MYL5: variants seen among roughly 807,000 people sequenced by gnomAD.
MYL5 encodes the protein myosin light chain 5, also known as myosin regulatory light chain 5.
Under a neutral mutation model 20.8 loss-of-function variants are expected in MYL5, and 28 were observed. The ratio of observed to expected loss-of-function variants is 1.35; its 90% CI spans 1.00 to 1.84. The LOEUF (loss-of-function observed/expected upper bound fraction) is 1.84. MYL5 is among the 40% of genes most tolerant of loss of function. The pLI, the probability that MYL5 is intolerant of heterozygous loss-of-function variation, is 0.00. For missense variants in MYL5, 274 were observed against 227.3 expected, an observed-to-expected ratio of 1.21 and a Z score of -1.32; for synonymous variants, 118 against 87.4, an observed-to-expected ratio of 1.35 and a Z score of -1.95.
chr4:677,285 T>C (rs1738939360), upstream of MYL5, among the ~76,000 whole-genome samples: 1 of 152,154 alleles, frequency 6.6e-6, no homozygotes, highest in African/African-American at 2.4e-5. Flanking sequence ...TGTGGTGGCC[T>C]CTGATGTCTG....
Position 680,497 on chromosome 4 carries a change from C to G in MYL5, c.293-12C>G, listed in dbSNP as rs201508988. On this transcript the variant is annotated splice_polypyrimidine_tract_variant and intron_variant, in intron 4 of 6. Transcript: ENST00000400159. ...CCCTGACGGCCCTGGGCTGAAGGTG[C>G]CTTTGTGGCAGGTACCGACGCCGAG... The G allele has an allele frequency of 4.3e-6, 7 of 1,613,342 alleles. No individual in the cohort carries two copies. Among genetic ancestry groups the G allele is most frequent in the Non-Finnish European group, 5.9e-6 (7 of 1,179,864 alleles).
upstream of MYL5, chr4:675,744 G>C (rs545684211): frequency 6.6e-6 from 1 of 152,464 alleles, no homozygotes; most frequent in East Asian, 1.9e-4. Context: ...ACGAGGTGAG[G>C]GAGCATGATT....
chr4:681,059 T>G, intron 5 of MYL5, 33 bp from the exon 8 acceptor site: 5 of 1,573,832 alleles, frequency 3.2e-6, no homozygotes, highest in Non-Finnish European at 4.3e-6. Context: ...CACCCCCGCA[T>G]CAGCCCGCGC....
At chr4:677,337 C>T (rs1170953493), upstream of MYL5, among the ~76,000 whole-genome samples, 1 of 152,252 alleles carries the variant, frequency 6.6e-6, no homozygotes, top group Non-Finnish European at 1.5e-5. Flanking sequence ...ACCCCAGACT[C>T]TGTGCCTGAG....
chr4:680,112 C>T, intron 4 of MYL5, 94 bp downstream of exon 6: 1 of 1,226,740 alleles, frequency 8.2e-7, no homozygotes, highest in Non-Finnish European at 1.1e-6. Context: ...TTTCCAATCT[C>T]TGGAGAAGCC....
rs201376779 is a variant in MYL5 at position 680,597 on chromosome 4, C to A, written c.371+10C>A. 3 of 1,612,640 alleles carry A rather than the reference C, an allele frequency of 1.9e-6. No individual in the cohort carries two copies. Among genetic ancestry groups the A allele is most frequent in the African/African-American group, 2.7e-5 (2 of 74,978 alleles). On this transcript the variant is annotated intron_variant, in intron 5 of 6. Coordinates refer to ENST00000400159, the Ensembl canonical transcript of MYL5. Reference sequence around the variant, plus strand: ...AAATCAACAAGGAGTAGTGAGTGCCCGGGCGGCCAGGGCGGCCCGGCTTCC... The same window carrying A: ...AAATCAACAAGGAGTAGTGAGTGCCAGGGCGGCCAGGGCGGCCCGGCTTCC...
chr4:680,873 GT>G, intron 5 of MYL5: 2 of 649,540 alleles, frequency 3.1e-6, no homozygotes, highest in Non-Finnish European at 5.3e-6. Flanking sequence ...GCGCTGGCCT[GT>G]AACCTCCTTC....
upstream of MYL5, among the ~76,000 whole-genome samples, chr4:677,281 G>A (rs1006324365): frequency 6.6e-6 from 1 of 152,166 alleles, no homozygotes; most frequent in African/African-American, 2.4e-5. Flanking sequence ...ACTCTGTGGT[G>A]GCCTCTGATG....
At chr4:675,368 T>C (rs968468998), upstream of MYL5, 2 of 152,344 alleles carry the variant, frequency 1.3e-5, no homozygotes, top group African/African-American at 4.8e-5. Context: ...CATGCAGTAG[T>C]GACGCAAGGC....
At chr4:679,775 C>T (rs943108896) in intron 3 of MYL5, 139 bp from the exon 6 acceptor site, 51 of 678,166 alleles carry the variant, frequency 7.5e-5, no homozygotes, top group South Asian at 1.6e-4. Flanking sequence ...CACTGCCCCA[C>T]GTGCCTGGGC....
intron 6 of MYL5, 27 bp downstream of exon 8, chr4:681,167 C>G: frequency 5.0e-6 from 8 of 1,596,322 alleles, no homozygotes; most frequent in Non-Finnish European, 5.1e-6. Flanking sequence ...CCCTGCCAAG[C>G]CCACGAGGGG....
intron 1 of MYL5, 154 bp downstream of exon 3, chr4:678,183 C>T (rs989337169): frequency 3.5e-5 from 53 of 1,533,338 alleles, no homozygotes; most frequent in East Asian, 9.9e-5. Context: ...TGTGCATGAG[C>T]GTGTGTATGT....
rs1234752398 is a variant in MYL5, at chr4:678,030, G to A, written c.3+1G>A. The stretch of plus-strand genomic sequence containing the variant: ...ATCAAAGCAGGCAGAAGCAGGCATG[G>A]TGAGCAGGCCGCCGTGCATGCCTGG... On this transcript the variant is annotated splice_donor_variant, in intron 1 of 6. Coordinates refer to ENST00000400159, the Ensembl canonical transcript of MYL5. LOFTEE classifies it high-confidence loss of function. The A allele has an allele frequency of 1.2e-6, 2 of 1,613,288 alleles. No individual in the cohort carries two copies. The highest frequency in any genetic ancestry group is 2.2e-5 in the South Asian group (2 of 91,074).
At chr4:674,577 G>T (rs71602500), upstream of MYL5, 10 of 417,972 alleles carry the variant, frequency 2.4e-5, no homozygotes, top group East Asian at 1.5e-4. Flanking sequence ...CTGTTTCCCC[G>T]CGCTGCTGCC....
At chr4:679,565 C>G (rs1346393156) in intron 3 of MYL5, among the ~76,000 whole-genome samples, 1 of 152,166 alleles carries the variant, frequency 6.6e-6, no homozygotes, top group Non-Finnish European at 1.5e-5. Flanking sequence ...TCGGTCCTGC[C>G]CTGGGAGCTG....
intron 1 of MYL5, 105 bp from the exon 4 acceptor site, chr4:678,553 G>A: frequency 6.7e-7 from 1 of 1,487,804 alleles, no homozygotes; most frequent in African/African-American, 1.4e-5. Flanking sequence ...AGCCCGAAGG[G>A]CTGAGGTCCA....
At position 680,011 on chromosome 4, in the gene MYL5, G is replaced by C. The variant is rs746433491; in HGVS notation, c.285G>C (p.Lys95Asn). The C allele has an allele frequency of 3.1e-6, 5 of 1,612,270 alleles. No individual in the cohort carries two copies. Among genetic ancestry groups the C allele is most frequent in the Non-Finnish European group, 4.2e-6 (5 of 1,179,112 alleles). The change falls in exon 4 of 7, where the codon AAG (lysine) becomes AAC (asparagine). Residue 95 changes from lysine (K) to asparagine (N), a missense_variant. By Grantham distance (94) the Lys-to-Asn change is moderately conservative. Transcript: ENST00000400159. ...TGTTTCTGAACCTGTTTGGGGAGAA[G>C]CTGAGCGGTGAGCACCGGTGGGGCA...
chr4:681,757 G>A lies in MYL5; in HGVS notation c.421-136G>A, dbSNP rs1315988092. 9.0e-6 allele frequency: 10 copies of A among 1,113,712 alleles called. No homozygotes were observed. The East Asian group carries it at 1.1e-4, about 12-fold the overall frequency. The allele number at this position is 1,113,712 out of a possible 1,614,324, so 69.0% of individuals were successfully genotyped here. ...CCAGCGCCGCCCCGCCCCCTCCAGC[G>A]CCGCCCTCACCCCGCACCCGGGCCC... On this transcript the variant is annotated intron_variant, in intron 6 of 6. Transcript: ENST00000400159.
At chr4:680,375 C>A in intron 4 of MYL5, 134 bp from the exon 7 acceptor site, 1 of 953,526 alleles carries the variant, frequency 1.0e-6, no homozygotes, top group Non-Finnish European at 1.6e-6. Flanking sequence ...GGCCTTCAGG[C>A]AGAGGCCACC....
Sources: allele counts gnomAD v4.1 joint callset (sites outside exome capture counted in the v4.1 genomes callset), GRCh38; gene constraint gnomAD v4.1.1; transcripts MANE v1.5; gene names NCBI Gene and HGNC (gene_info 2026-07-23, HGNC 2026-07-21).